Variants in GPR137B observed in about 807,000 individuals in gnomAD.
The protein encoded by GPR137B is G protein-coupled receptor 137B.
In GPR137B, 42 loss-of-function variants were observed where a neutral mutation model predicts 42.5. The ratio of observed to expected loss-of-function variants is 0.99; its 90% CI spans 0.77 to 1.28. The LOEUF (loss-of-function observed/expected upper bound fraction) is 1.28. Among genes scored for constraint, GPR137B ranks in the 50% most tolerant of loss-of-function variants. The pLI is 0.00. For synonymous variants in GPR137B, 218 were observed against 209.7 expected (o/e 1.04, Z -0.34); for missense variants, 487 against 493.9 (o/e 0.99, Z 0.13).
chr1:236,168,260 C>G (rs1424896024), intron 1 of GPR137B, among the ~76,000 whole-genome samples: 1 of 152,110 alleles, frequency 6.6e-6, no homozygotes, highest in East Asian at 1.9e-4. Flanking sequence ...AACCCCATCT[C>G]TACTAAAAAT....
chr1:236,160,977 C>T (rs1662175311), intron 1 of GPR137B, among the ~76,000 whole-genome samples: 1 of 151,896 alleles, frequency 6.6e-6, no homozygotes, highest in Non-Finnish European at 1.5e-5. Context: ...CTGTCCCCAT[C>T]TCGAAGTGTA....
intron 4 of GPR137B, among the ~76,000 whole-genome samples, chr1:236,180,534 CAGG>C (rs1011792366): frequency 3.9e-5 from 6 of 152,116 alleles, no homozygotes; most frequent in Admixed American, 1.3e-4. Context: ...TTGAGAAAAC[CAGG>C]AGATTACATA....
chr1:236,208,589 C>CTT lies in GPR137B; in HGVS notation c.*432_*433dup, dbSNP rs1400615748. On this transcript the variant is annotated 3_prime_UTR_variant, in exon 7 of 7. Coordinates refer to ENST00000366592, the MANE Select transcript of GPR137B (RefSeq NM_003272.4). The stretch of plus-strand genomic sequence containing the variant: ...TTTTGGACTAAAGTATTCCACAAAT[C>CTT]TTACCTCTTTAGGTCACTGATGGTC... The CTT allele has an allele frequency of 2.1e-6, 2 of 973,906 alleles. No individual in the cohort carries two copies. Among genetic ancestry groups the CTT allele is most frequent in the African/African-American group, 3.5e-5 (2 of 56,872 alleles). The allele number at this position is 973,906 out of a possible 1,614,324, so 60.3% of individuals were successfully genotyped here. A position where few individuals can be genotyped will look rare whatever the true frequency, so the allele number is the denominator to read the frequency against.
intron 4 of GPR137B, 119 bp from the exon 5 acceptor site, chr1:236,183,658 AT>A (rs1221642483): frequency 1.1e-5 from 7 of 635,888 alleles, no homozygotes; most frequent in Non-Finnish European, 1.9e-5. Flanking sequence ...ACATTCTAAA[AT>A]ATAGGGGAAT....
Position 236,150,658 on chromosome 1 carries a change from T to C in GPR137B, c.414+7622T>C, listed in dbSNP as rs1053117802. ...CCCACAGCAGAGGCTGGGCTGAGGCTGCTGCCGGGTCACCATCAGGAGCGC... is the reference window on the plus strand; with the variant it reads ...CCCACAGCAGAGGCTGGGCTGAGGCCGCTGCCGGGTCACCATCAGGAGCGC... On this transcript the variant is annotated intron_variant, in intron 1 of 6. Coordinates refer to ENST00000366592, the MANE Select transcript of GPR137B (RefSeq NM_003272.4). The surrounding 1 kb of genome is among the most constrained non-coding windows in gnomAD (Gnocchi z 6.2). Among the ~76,000 whole-genome samples, 16 of 152,356 alleles carry C rather than the reference T, an allele frequency of 1.1e-4. No homozygotes were observed. Among genetic ancestry groups the C allele is most frequent in the African/African-American group, 3.8e-4 (16 of 41,580 alleles).
chr1:236,178,360 CCTT>C (rs1485155708), intron 2 of GPR137B, 51 bp from the exon 3 acceptor site: 13 of 1,032,918 alleles, frequency 1.3e-5, no homozygotes, highest in Non-Finnish European at 2.0e-5. Flanking sequence ...ATCTCAGTGT[CCTT>C]CTAGACTGAC....
At chr1:236,166,342 C>T (rs1158547590) in intron 1 of GPR137B, among the ~76,000 whole-genome samples, 2 of 151,424 alleles carry the variant, frequency 1.3e-5, no homozygotes, top group African/African-American at 4.9e-5. Flanking sequence ...GGTGACGTGT[C>T]TTGCCTAAAA....
At chr1:236,170,039 C>CAAAAA (rs11346365) in intron 2 of GPR137B, among the ~76,000 whole-genome samples, 21 of 36,756 alleles carry the variant, frequency 5.7e-4, no homozygotes, top group East Asian at 1.4e-3. Context: ...GAATCCATCT[C>CAAAAA]AAAAAAAAAA....
intron 5 of GPR137B, among the ~76,000 whole-genome samples, chr1:236,196,907 T>C (rs1558495211): frequency 1.3e-5 from 2 of 152,204 alleles, no homozygotes; most frequent in Non-Finnish European, 1.5e-5. Flanking sequence ...GAACTGTGGA[T>C]TGTGTGGCTA....
At chr1:236,175,819 A>G (rs541582068) in intron 2 of GPR137B, among the ~76,000 whole-genome samples, 93 of 152,260 alleles carry the variant, frequency 6.1e-4, no homozygotes, top group Non-Finnish European at 1.0e-3. Flanking sequence ...CCAGCCCTAG[A>G]CAGGAGGAAG....
chr1:236,147,862 A>C (rs1571956017), intron 1 of GPR137B, among the ~76,000 whole-genome samples: 2 of 152,144 alleles, frequency 1.3e-5, no homozygotes, highest in South Asian at 2.1e-4. Flanking sequence ...TCCACCTTCC[A>C]GTTCAGCCTG....
At position 236,181,336 on chromosome 1, in the gene GPR137B, ATTT is replaced by A. The variant is rs60201223; in HGVS notation, c.837+1318_837+1320del. ...ACCATTCACTCATTTGACAAACAGC[ATTT>A]TTTTTTTTTCCTCATCTTGGGCACT... On this transcript the variant is annotated intron_variant, in intron 4 of 6. Transcript: ENST00000366592. 8.8e-3 allele frequency among the ~76,000 whole-genome samples: 1,295 copies of A among 147,370 alleles called. 25 individuals are homozygous for A. Among genetic ancestry groups the A allele is most frequent in the African/African-American group, 0.029 (1,160 of 40,678 alleles).
Position 236,197,175 on chromosome 1 carries a change from G to T in GPR137B, c.967-7951G>T, listed in dbSNP as rs371976508. On this transcript the variant is annotated intron_variant, in intron 5 of 6. Coordinates refer to ENST00000366592, the MANE Select transcript of GPR137B (RefSeq NM_003272.4). ...TTTTTTCATGTTTGTTGGCCATATG[G>T]ATATCTTCTTTTGAGAATTGTCTAT... Among the ~76,000 whole-genome samples the T allele has an allele frequency of 3.3e-5, 5 of 152,098 alleles. No homozygotes were observed. The East Asian group carries it at 7.7e-4, about 23-fold the overall frequency.
In GPR137B at chr1:236,148,181, G is replaced by C. The variant is rs114387930; in HGVS notation, c.414+5145G>C. ...GGACTCTGAAACCTAAGGCAGGCAG[G>C]GGTCTCTGCTCATGAGGAATTATGG... On this transcript the variant is annotated intron_variant, in intron 1 of 6. Coordinates refer to ENST00000366592, the MANE Select transcript of GPR137B (RefSeq NM_003272.4). Among the ~76,000 whole-genome samples, 991 of 152,328 alleles carry C rather than the reference G, an allele frequency of 6.5e-3. 13 individuals carry two copies. The highest frequency in any genetic ancestry group is 0.022 in the African/African-American group (910 of 41,576).
intron 1 of GPR137B, among the ~76,000 whole-genome samples, chr1:236,152,524 G>C (rs1414218526): frequency 6.6e-6 from 1 of 152,174 alleles, no homozygotes; most frequent in Non-Finnish European, 1.5e-5. Flanking sequence ...TTGGGAGGCC[G>C]AGGCGGGTGG....
At chr1:236,196,985 G>C (rs912804105) in intron 5 of GPR137B, among the ~76,000 whole-genome samples, 2 of 152,140 alleles carry the variant, frequency 1.3e-5, no homozygotes, top group African/African-American at 4.8e-5. Flanking sequence ...TACCCAGTAA[G>C]TGGGATTCCC....
intron 1 of GPR137B, among the ~76,000 whole-genome samples, chr1:236,159,440 C>T (rs983804411): frequency 2.6e-5 from 4 of 151,624 alleles, no homozygotes; most frequent in African/African-American, 9.7e-5. Context: ...CCGAGGCAGG[C>T]GGATCACGAG....
intron 1 of GPR137B, among the ~76,000 whole-genome samples, chr1:236,161,498 C>CGCCTCCCACTCACACCTCAT: frequency 1.3e-5 from 2 of 151,192 alleles, no homozygotes; most frequent in African/African-American, 2.4e-5. Flanking sequence ...CACCTCCTCA[C>CGCCTCCCACTCACACCTCAT]GCCTCCCACT....
rs374258919 is a variant in GPR137B, at chr1:236,161,054, C to T, written c.415-7652C>T. 4.2e-4 allele frequency among the ~76,000 whole-genome samples: 64 copies of T among 152,214 alleles called. No homozygotes were observed. In the South Asian group the frequency reaches 0.011, roughly 27 times the overall value. ...ACCTTTTCCATCCCAGAAGGAACCC[C>T]GTGCCTCTTAGTGGTCACCCTCCAA... On this transcript the variant is annotated intron_variant, in intron 1 of 6. Transcript: ENST00000366592.
Sources: gnomAD v4.1 joint callset for allele counts (sites outside exome capture counted in the v4.1 genomes callset) on GRCh38, gnomAD v4.1.1 for gene constraint, Gnocchi (gnomAD v3.1) non-coding constraint, MANE v1.5 for transcripts, NCBI Gene and HGNC (gene_info 2026-07-23, HGNC 2026-07-21) for gene names.